HPSE: variants seen among roughly 807,000 people sequenced by gnomAD.
The protein encoded by HPSE is endo-glucoronidase.
HPSE carries 48 observed loss-of-function variants against 65.1 expected under a neutral mutation model. That is an observed-to-expected ratio of 0.74 (90% confidence interval 0.58 to 0.94). The LOEUF (loss-of-function observed/expected upper bound fraction) is 0.94, where lower values mean the gene tolerates loss of function less well. HPSE is among the 40% of genes least tolerant of loss of function. The probability of loss-of-function intolerance (pLI) is 0.00; values close to 1 mark genes in which losing one functional copy is unlikely to be tolerated. For missense variants in HPSE, 644 were observed against 637.5 expected, an observed-to-expected ratio of 1.01 and a Z score of -0.11; for synonymous variants, 243 against 260.0, an observed-to-expected ratio of 0.93 and a Z score of 0.63.
intron 9 of HPSE, among the ~76,000 whole-genome samples, chr4:83,303,141 C>CAA (rs59385548): frequency 7.2e-5 from 11 of 151,890 alleles, no homozygotes; most frequent in East Asian, 5.8e-4. Context: ...AGAATTCTTG[C>CAA]AAAAAAATAC....
At chr4:83,328,039 C>T (rs1159330924) in intron 1 of HPSE, among the ~76,000 whole-genome samples, 1 of 151,974 alleles carries the variant, frequency 6.6e-6, no homozygotes, top group African/African-American at 2.4e-5. Flanking sequence ...TAGAAAACAC[C>T]CCCCAACAAG....
At chr4:83,306,071 CTCCT>C in intron 9 of HPSE, 128 bp downstream of exon 9, 3 of 577,480 alleles carry the variant, frequency 5.2e-6, no homozygotes, top group South Asian at 4.5e-5. Context: ...CTATCTAAGG[CTCCT>C]TCTAATTCAT....
intron 11 of HPSE, among the ~76,000 whole-genome samples, chr4:83,297,011 T>G (rs1176958530): frequency 1.3e-5 from 2 of 152,236 alleles, no homozygotes; most frequent in Non-Finnish European, 2.9e-5. Flanking sequence ...AAATTATAAT[T>G]CCTATTGCCT....
chr4:83,321,519 C>G (rs1736892292), intron 2 of HPSE, among the ~76,000 whole-genome samples: 1 of 151,928 alleles, frequency 6.6e-6, no homozygotes, highest in Admixed American at 6.5e-5. Context: ...TCTATGTTGC[C>G]CAGGCTGGTC....
Position 83,334,675 on chromosome 4 carries a change from C to T in HPSE, c.108G>A (p.Gln36=). 1 of 1,575,778 alleles carries T rather than the reference C, an allele frequency of 6.3e-7. No individual in the cohort carries two copies. The highest frequency in any genetic ancestry group is 2.3e-5 in the East Asian group (1 of 42,830). The change falls in exon 1 of 12, where the codon CAG becomes CAA. Residue 36 remains glutamine (Q), a synonymous_variant. Coordinates refer to ENST00000311412, the MANE Select transcript of HPSE (RefSeq NM_001098540.3). The part of the protein sequence containing the change: ...PGALPRPAQA[Q]DVVDLDFFTQ... ...TGAAGAAGTCCAGGTCCACGACGTC[C>T]TGTGCTTGCGCAGGTCGGGGCAGGG...
chr4:83,295,904 T>C (rs868552226), intron 11 of HPSE, among the ~76,000 whole-genome samples: 2 of 152,192 alleles, frequency 1.3e-5, no homozygotes, highest in Non-Finnish European at 2.9e-5. Flanking sequence ...AATAGATATA[T>C]AGAATTGAAT....
chr4:83,334,519 A>T, intron 1 of HPSE, 37 bp downstream of exon 1: 1 of 1,539,958 alleles, frequency 6.5e-7, no homozygotes, highest in African/African-American at 1.4e-5. Context: ...TGTCAGGAGG[A>T]CAGGAAAGGG....
chr4:83,321,162 C>A (rs938172345), intron 2 of HPSE, among the ~76,000 whole-genome samples: 1 of 152,114 alleles, frequency 6.6e-6, no homozygotes, highest in Non-Finnish European at 1.5e-5. Context: ...TGTGCCACTG[C>A]ACTCCAGCCT....
intron 11 of HPSE, among the ~76,000 whole-genome samples, chr4:83,300,369 G>T (rs1015600132): frequency 6.6e-6 from 1 of 152,218 alleles, no homozygotes; most frequent in African/African-American, 2.4e-5. Context: ...GTGTTACCAA[G>T]AATTATGTCT....
chr4:83,301,046 C>T lies in HPSE; in HGVS notation c.1386G>A (p.Lys462=), dbSNP rs759090685. 4 of 1,607,844 alleles carry T rather than the reference C, an allele frequency of 2.5e-6. No homozygotes were observed. In the Admixed American group the frequency reaches 6.7e-5, roughly 27 times the overall value. The change falls in exon 11 of 12, where the codon AAG becomes AAA. Residue 462 remains lysine, a synonymous_variant. Transcript: ENST00000311412. The part of the protein sequence containing the change: ...LYAINLHNVT[K]YLRLPYPFSN... ...AAAAAGGATAGGGTAACCGCAAGTA[C>T]TTGGTGACATTATGGAGGTTTATGG...
At chr4:83,315,835 T>G (rs1736610066) in intron 3 of HPSE, among the ~76,000 whole-genome samples, 1 of 152,172 alleles carries the variant, frequency 6.6e-6, no homozygotes, top group Non-Finnish European at 1.5e-5. Context: ...ACAAAGATTA[T>G]AGCATTTTCA....
intron 1 of HPSE, among the ~76,000 whole-genome samples, chr4:83,323,883 C>T (rs72938125): frequency 0.025 from 3,756 of 152,148 alleles, 145 homozygotes; most frequent in African/African-American, 0.084. Flanking sequence ...TAAATATTTA[C>T]ATGAGCAAAA....
intron 5 of HPSE, among the ~76,000 whole-genome samples, 159 bp from the exon 6 acceptor site, chr4:83,310,237 T>A (rs1041808737): frequency 1.3e-5 from 2 of 152,212 alleles, no homozygotes; most frequent in African/African-American, 4.8e-5. Context: ...ATAGGTGACA[T>A]TTGCCTCAGA....
chr4:83,297,397 TC>T, intron 11 of HPSE, among the ~76,000 whole-genome samples: 2 of 151,904 alleles, frequency 1.3e-5, no homozygotes. Context: ...ACTTGATTCT[TC>T]CCCCCACCCC....
intron 3 of HPSE, among the ~76,000 whole-genome samples, chr4:83,315,994 A>G (rs1029929283): frequency 7.9e-5 from 12 of 152,238 alleles, no homozygotes; most frequent in African/African-American, 2.9e-4. Flanking sequence ...GAGGCTATTG[A>G]CGACTGAGTT....
chr4:83,295,314 A>G lies in HPSE; in HGVS notation c.*30T>C. The G allele has an allele frequency of 6.4e-7, 1 of 1,561,682 alleles. No individual in the cohort carries two copies. Among genetic ancestry groups the G allele is most frequent in the Non-Finnish European group, 8.7e-7 (1 of 1,149,910 alleles). ...GCTTTACTCTTAGTATACTTGAAAA[A>G]TTCAGTGTCAGGACTAGTATATTTT... is the stretch of plus-strand genomic sequence containing the variant. On this transcript the variant is annotated 3_prime_UTR_variant, in exon 12 of 12. Transcript: ENST00000311412.
intron 1 of HPSE, among the ~76,000 whole-genome samples, chr4:83,333,357 C>A (rs1044972928): frequency 3.3e-5 from 5 of 152,208 alleles, no homozygotes; most frequent in Non-Finnish European, 7.3e-5. Flanking sequence ...AAAACCAAGT[C>A]ACTCATCTTT....
Position 83,322,343 on chromosome 4 carries a change from C to A in HPSE, c.249G>T (p.Leu83Phe). The A allele has an allele frequency of 6.2e-7, 1 of 1,613,094 alleles. No individual in the cohort carries two copies. The highest frequency in any genetic ancestry group is 1.7e-5 in the Admixed American group (1 of 59,860). Residue 83 changes from leucine to phenylalanine, a missense_variant, in exon 2 of 12, where the codon TTG (leucine) becomes TTT (phenylalanine). Leu to Phe is a conservative substitution (Grantham distance 22). Coordinates refer to ENST00000311412, the MANE Select transcript of HPSE (RefSeq NM_001098540.3). ...GGTACGCAGGAGACAAGCCTCTGGC[C>A]AAGGTACGAAGCTTTGGAGAACTGT... The part of the protein sequence containing the change: ...ILLGSPKLRT[L>F]ARGLSPAYLR...
intron 10 of HPSE, among the ~76,000 whole-genome samples, chr4:83,301,332 G>A (rs756976317): frequency 2.0e-4 from 30 of 152,136 alleles, no homozygotes; most frequent in Non-Finnish European, 3.2e-4. Flanking sequence ...AAATGTTGCC[G>A]TTCATGCTAC....
Sources: gnomAD v4.1 joint callset for allele counts (sites outside exome capture counted in the v4.1 genomes callset) on GRCh38, gnomAD v4.1.1 for gene constraint, MANE v1.5 for transcripts, NCBI Gene and HGNC (gene_info 2026-07-23, HGNC 2026-07-21) for gene names.